The following CHPF2 variants were observed in gnomAD, a reference collection of about 807,000 sequenced individuals.
CHPF2 encodes the protein chondroitin polymerizing factor 2.
Under a neutral mutation model 63.0 loss-of-function variants are expected in CHPF2, and 58 were observed. That is an observed-to-expected ratio of 0.92 (90% CI 0.75 to 1.15). CHPF2 has a LOEUF of 1.15. CHPF2 is among the 50% of genes most tolerant of loss of function. The probability of loss-of-function intolerance (pLI) is 0.00; values close to 1 mark genes in which losing one functional copy is unlikely to be tolerated. For synonymous variants in CHPF2, 442 were observed against 438.0 expected, an observed-to-expected ratio of 1.01 and a Z score of -0.11; for missense variants, 1,045 against 1,035.4, an observed-to-expected ratio of 1.01 and a Z score of -0.13.
rs752021782 is a variant in CHPF2 at position 151,237,901 on chromosome 7, T to C, written c.1539T>C (p.Asn513=). 3 of 1,612,772 alleles carry C rather than the reference T, an allele frequency of 1.9e-6. No individual in the cohort carries two copies. Among genetic ancestry groups the C allele is most frequent in the South Asian group, 1.1e-5 (1 of 91,088 alleles). Residue 513 remains asparagine, a synonymous_variant, in exon 4 of 4, where the codon AAT becomes AAC. Transcript: ENST00000035307. ...CTTTCCTCGAGGCCTTTGCAGCCAA[T>C]GTCCTGGAGCCACGAGAACATGCAT... ...APAFLEAFAA[N]VLEPREHALL...
Position 151,233,404 on chromosome 7 carries a change from G to C in CHPF2, c.-608G>C. The C allele has an allele frequency of 1.0e-6, 1 of 985,716 alleles. No homozygotes were observed. Among genetic ancestry groups the C allele is most frequent in the Non-Finnish European group, 1.2e-6 (1 of 830,134 alleles). The allele number at this position is 985,716 out of a possible 1,614,324, so 61.1% of individuals were successfully genotyped here. A position where few individuals can be genotyped will look rare whatever the true frequency, so the allele number is the denominator to read the frequency against. On this transcript the variant is annotated 5_prime_UTR_variant, in exon 1 of 4. Coordinates refer to ENST00000035307, the MANE Select transcript of CHPF2 (RefSeq NM_019015.3). ...GTAGCCGTTGCGTCTTCTCAAACAC[G>C]GGGAGCAGAGTAGAAAGAGGCTCTG...
At position 151,235,506 on chromosome 7, in the gene CHPF2, C is replaced by T; in HGVS notation, c.722C>T (p.Pro241Leu). The T allele has an allele frequency of 6.2e-7, 1 of 1,611,512 alleles. No homozygotes were observed. The highest frequency in any genetic ancestry group is 8.5e-7 in the Non-Finnish European group (1 of 1,180,002). Residue 241 changes from proline to leucine, a missense_variant, in exon 2 of 4, where the codon CCA becomes CTA. Pro to Leu is a moderately conservative substitution (Grantham distance 98). Coordinates refer to ENST00000035307, the MANE Select transcript of CHPF2 (RefSeq NM_019015.3). ...LSRSLLLRLR[P>L]HLDGCRGDIL... ...CGGAGTCTCCTGCTTCGTCTGCGGC[C>T]ACATCTGGATGGCTGCCGAGGAGAC...
chr7:151,232,540 G>A lies in CHPF2; in HGVS notation c.-1472G>A, dbSNP rs1300197432. On this transcript the variant is annotated 5_prime_UTR_variant, in exon 1 of 4. Coordinates refer to ENST00000035307, the MANE Select transcript of CHPF2 (RefSeq NM_019015.3). ...CAGCGGCTGCAGCGGCGGAGCCGGC[G>A]CCTCAGCGGGCACTGGGGTCTGTTC... 7.9e-6 allele frequency: 4 copies of A among 506,824 alleles called. No individual in the cohort carries two copies. In the South Asian group the frequency reaches 8.0e-5, roughly 10 times the overall value. The allele number at this position is 506,824 out of a possible 1,614,324, so 31.4% of individuals were successfully genotyped here. A position where few individuals can be genotyped will look rare whatever the true frequency, so the allele number is the denominator to read the frequency against.
In CHPF2 at chr7:151,234,287, T is replaced by TA; in HGVS notation, c.263+13_263+14insA. ...AGAAGGTGCTCAGGTGAGAGCAACA[T>TA]GTGTGCATAGTCCCCAGACACTGGC... is the stretch of plus-strand genomic sequence containing the variant. On this transcript the variant is annotated intron_variant, in intron 1 of 3. Transcript: ENST00000035307. 6.5e-7 allele frequency: 1 copy of TA among 1,542,346 alleles called. No individual in the cohort carries two copies. The highest frequency in any genetic ancestry group is 2.4e-5 in the East Asian group (1 of 41,442).
chr7:151,234,910 T>A (rs936602863), intron 1 of CHPF2, 138 bp from the exon 2 acceptor site: 2 of 625,802 alleles, frequency 3.2e-6, no homozygotes. Flanking sequence ...CTCAGTTCAG[T>A]ACCTAATTAA....
Position 151,235,728 on chromosome 7 carries a change from G to T in CHPF2, c.828+116G>T, listed in dbSNP as rs548206200. On this transcript the variant is annotated intron_variant, in intron 2 of 3. Transcript: ENST00000035307. ...TGTTCCCCCTTCCTGGCCACTGGCC[G>T]CTCTGTGGGCCCTCCGTTGCTCACC... 1.4e-4 allele frequency: 140 copies of T among 980,814 alleles called. 1 individual carries two copies. The East Asian group carries it at 2.9e-3, about 20-fold the overall frequency. 60.8% of individuals were successfully genotyped at this position (980,814 alleles called of 1,614,324 possible). A position where few individuals can be genotyped will look rare whatever the true frequency, so the allele number is the denominator to read the frequency against.
rs1487280089 is a variant in CHPF2, at chr7:151,237,545, C to T, written c.1183C>T (p.Leu395=). 3 of 1,613,850 alleles carry T rather than the reference C, an allele frequency of 1.9e-6. No homozygotes were observed. The highest frequency in any genetic ancestry group is 1.3e-5 in the African/African-American group (1 of 74,950). ...SCADGAPKCP[L]QGASRADVGD... The stretch of plus-strand genomic sequence containing the variant: ...TGCAGATGGGGCTCCCAAGTGCCCA[C>T]TACAGGGGGCTAGCAGGGCGGACGT... Residue 395 remains leucine, a synonymous_variant, in exon 4 of 4, where the codon CTA becomes TTA. Coordinates refer to ENST00000035307, the MANE Select transcript of CHPF2 (RefSeq NM_019015.3).
At chr7:151,235,638 A>G (rs762873375) in intron 2 of CHPF2, 26 bp downstream of exon 2, 4 of 1,577,424 alleles carry the variant, frequency 2.5e-6, no homozygotes, top group Non-Finnish European at 3.4e-6. Flanking sequence ...AGTCAGTCCC[A>G]GTCCCTGATA....
In CHPF2 at chr7:151,237,845, C is replaced by G. The variant is rs762829829; in HGVS notation, c.1483C>G (p.Leu495Val). 6 of 1,612,618 alleles carry G rather than the reference C, an allele frequency of 3.7e-6. No individual in the cohort carries two copies. The African/African-American group carries it at 8.0e-5, about 22-fold the overall frequency. Reference sequence around the variant, plus strand: ...CACCCGAGTGCAGCTGGTGCTGCCACTCCTGGTGGCTGAAGCTGCTGCAGC... The same window carrying G: ...CACCCGAGTGCAGCTGGTGCTGCCAGTCCTGGTGGCTGAAGCTGCTGCAGC... The part of the protein sequence containing the change: ...EATRVQLVLP[L>V]LVAEAAAAPA... The change falls in exon 4 of 4, where the codon CTC becomes GTC. Residue 495 changes from leucine to valine, a missense_variant. Physicochemically the swap from Leu to Val is conservative, Grantham distance 32. Coordinates refer to ENST00000035307, the MANE Select transcript of CHPF2 (RefSeq NM_019015.3).
In CHPF2 at chr7:151,234,293, C is replaced by T. The variant is rs1802563161; in HGVS notation, c.263+19C>T. ...TGCTCAGGTGAGAGCAACATGTGTGCATAGTCCCCAGACACTGGCCCTGTT... is the reference window on the plus strand; with the variant it reads ...TGCTCAGGTGAGAGCAACATGTGTGTATAGTCCCCAGACACTGGCCCTGTT... On this transcript the variant is annotated intron_variant, in intron 1 of 3. Coordinates refer to ENST00000035307, the MANE Select transcript of CHPF2 (RefSeq NM_019015.3). 2.0e-6 allele frequency: 3 copies of T among 1,517,884 alleles called. No individual in the cohort carries two copies. The highest frequency in any genetic ancestry group is 2.7e-6 in the Non-Finnish European group (3 of 1,130,872). 94.0% of individuals were successfully genotyped at this position (1,517,884 alleles called of 1,614,324 possible). A position where few individuals can be genotyped will look rare whatever the true frequency, so the allele number is the denominator to read the frequency against.
At position 151,234,069 on chromosome 7, in the gene CHPF2, C is replaced by G. The variant is rs780998101; in HGVS notation, c.58C>G (p.Leu20Val). Residue 20 changes from leucine (L) to valine (V), a missense_variant, in exon 1 of 4, where the codon CTG becomes GTG. Coordinates refer to ENST00000035307, the MANE Select transcript of CHPF2 (RefSeq NM_019015.3). ...GCCAGCGCTTCCCCTCATCTTAGGG[C>G]TGTCTCTGGGGTGCAGCCTGAGCCT... ...LRPALPLILG[L>V]SLGCSLSLLR... 4 of 1,595,090 alleles carry G rather than the reference C, an allele frequency of 2.5e-6. No homozygotes were observed. The South Asian group carries it at 4.5e-5, about 18-fold the overall frequency.
In CHPF2 at chr7:151,235,149, G is replaced by C. The variant is rs199526960; in HGVS notation, c.365G>C (p.Arg122Pro). ...TLSTLAVAVN[R>P]TVAHHFPRLL... ...TCCACTTTGGCCGTGGCTGTGAACC[G>C]TACGGTGGCCCATCACTTCCCTCGG... Residue 122 changes from arginine to proline, a missense_variant, in exon 2 of 4, where the codon CGT (arginine) becomes CCT (proline). By Grantham distance (103) the Arg-to-Pro change is moderately radical (BLOSUM62 -2). Coordinates refer to ENST00000035307, the MANE Select transcript of CHPF2 (RefSeq NM_019015.3). The C allele has an allele frequency of 6.2e-7, 1 of 1,613,130 alleles. No homozygotes were observed. Among genetic ancestry groups the C allele is most frequent in the Non-Finnish European group, 8.5e-7 (1 of 1,179,512 alleles).
rs753045387 is a variant in CHPF2 at position 151,237,974 on chromosome 7, G to C, written c.1612G>C (p.Ala538Pro). The C allele has an allele frequency of 3.1e-6, 5 of 1,613,202 alleles. No individual in the cohort carries two copies. The highest frequency in any genetic ancestry group is 4.2e-6 in the Non-Finnish European group (5 of 1,180,034). Residue 538 changes from alanine (A) to proline (P), a missense_variant, in exon 4 of 4, where the codon GCT becomes CCT. Physicochemically the swap from Ala to Pro is conservative, Grantham distance 27 (BLOSUM62 -1). Transcript: ENST00000035307. ...CGGGCCACGAGAAGGTGGCCGTGGA[G>C]CTCCAGACCCATTTCTTGGGGTGAA... ...VYGPREGGRGAPDPFLGVKAA... is the reference protein window; with the variant it reads ...VYGPREGGRGPPDPFLGVKAA...
chr7:151,234,978 T>G, intron 1 of CHPF2, 70 bp from the exon 2 acceptor site: 1 of 1,224,032 alleles, frequency 8.2e-7, no homozygotes, highest in Non-Finnish European at 1.2e-6. Flanking sequence ...TAGAGGGGGA[T>G]GTATATTCTG....
Position 151,237,825 on chromosome 7 carries a change from G to A in CHPF2, c.1463G>A (p.Arg488Gln), listed in dbSNP as rs370642310. Reference sequence around the variant, plus strand: ...ATGCCCTATGTCACTGAGGCCACCCGAGTGCAGCTGGTGCTGCCACTCCTG... The same window carrying A: ...ATGCCCTATGTCACTGAGGCCACCCAAGTGCAGCTGGTGCTGCCACTCCTG... ...LPMPYVTEAT[R>Q]VQLVLPLLVA... The change falls in exon 4 of 4, where the codon CGA becomes CAA. Residue 488 changes from arginine to glutamine, a missense_variant. By Grantham distance (43) the Arg-to-Gln change is conservative. Coordinates refer to ENST00000035307, the MANE Select transcript of CHPF2 (RefSeq NM_019015.3). 3.8e-5 allele frequency: 61 copies of A among 1,612,522 alleles called. No homozygotes were observed. Among genetic ancestry groups the A allele is most frequent in the Non-Finnish European group, 4.6e-5 (54 of 1,180,030 alleles).
Position 151,233,981 on chromosome 7 carries a change from CT to C in CHPF2, c.-30del. The C allele has an allele frequency of 2.7e-6, 4 of 1,477,180 alleles. No individual in the cohort carries two copies. The highest frequency in any genetic ancestry group is 1.4e-5 in the South Asian group (1 of 69,978). The allele number at this position is 1,477,180 out of a possible 1,614,324, so 91.5% of individuals were successfully genotyped here. On this transcript the variant is annotated 5_prime_UTR_variant, in exon 1 of 4. Transcript: ENST00000035307. ...TCCATTGATCCTTGAGGCTGTGCCCCTGGGGCACCCACCTGGCAGGGCCTAC... is the reference window on the plus strand; with the variant it reads ...TCCATTGATCCTTGAGGCTGTGCCCCGGGGCACCCACCTGGCAGGGCCTAC...
intron 1 of CHPF2, 86 bp downstream of exon 1, chr7:151,234,360 ATCGGCG>A: frequency 9.2e-7 from 1 of 1,081,334 alleles, no homozygotes; most frequent in Non-Finnish European, 1.3e-6. Flanking sequence ...TCCATTGGCA[ATCGGCG>A]TCGGGCGACT....
intron 1 of CHPF2, 71 bp downstream of exon 1, chr7:151,234,345 G>A: frequency 8.2e-7 from 1 of 1,222,432 alleles, no homozygotes; most frequent in Non-Finnish European, 1.1e-6. Context: ...CCTTGCCTCT[G>A]CCTTTCCATT....
Position 151,235,581 on chromosome 7 carries a change from C to T in CHPF2, c.797C>T (p.Ser266Phe). 6.2e-7 allele frequency: 1 copy of T among 1,607,066 alleles called. No homozygotes were observed. The highest frequency in any genetic ancestry group is 8.5e-7 in the Non-Finnish European group (1 of 1,178,532). ...TGGCTTGGACGCTGCCTCATTGACT[C>T]TCTGGGCGTCGGCTGTGTCTCACAG... ...DEWLGRCLIDSLGVGCVSQHQ... is the reference protein window; with the variant it reads ...DEWLGRCLIDFLGVGCVSQHQ... The change falls in exon 2 of 4, where the codon TCT becomes TTT. Residue 266 changes from serine (S) to phenylalanine (F), a missense_variant. Physicochemically the swap from Ser to Phe is radical, Grantham distance 155. Coordinates refer to ENST00000035307, the MANE Select transcript of CHPF2 (RefSeq NM_019015.3).
Sources: gnomAD v4.1 joint callset for allele counts on GRCh38, gnomAD v4.1.1 for gene constraint, MANE v1.5 for transcripts, NCBI Gene and HGNC (gene_info 2026-07-23, HGNC 2026-07-21) for gene names.